ITPR2: variants seen among roughly 807,000 people sequenced by gnomAD.
The protein encoded by ITPR2 is inositol 1,4,5-trisphosphate-gated calcium channel ITPR2.
A neutral mutation model predicts 317.1 loss-of-function variants in ITPR2; 207 were observed. That is an observed-to-expected ratio of 0.65 (90% CI 0.58 to 0.73). The LOEUF is 0.73. ITPR2 is among the 30% of genes least tolerant of loss of function. The probability of loss-of-function intolerance (pLI) is 0.00; values close to 1 mark genes in which losing one functional copy is unlikely to be tolerated. For synonymous variants in ITPR2, 1,156 were observed against 1,149.1 expected, an observed-to-expected ratio of 1.01 and a Z score of -0.12; for missense variants, 2,613 against 3,284.0, an observed-to-expected ratio of 0.80 and a Z score of 4.99.
chr12:26,434,633 A>G (rs1941305065), intron 48 of ITPR2, among the ~76,000 whole-genome samples: 1 of 152,162 alleles, frequency 6.6e-6, no homozygotes, highest in South Asian at 2.1e-4. Context: ...CATGCTTCCA[A>G]TCCACGGAGA....
At chr12:26,825,411 T>G (rs1759643108) in intron 1 of ITPR2, among the ~76,000 whole-genome samples, 1 of 152,198 alleles carries the variant, frequency 6.6e-6, no homozygotes, top group African/African-American at 2.4e-5. Context: ...TTTATATTTA[T>G]ATATGAAGAC....
chr12:26,722,738 TC>T (rs1948858291), intron 4 of ITPR2, among the ~76,000 whole-genome samples, 183 bp from the exon 5 acceptor site: 1 of 151,884 alleles, frequency 6.6e-6, no homozygotes, highest in African/African-American at 2.4e-5. Context: ...GGGTTCTTCC[TC>T]CCCTTCACCC....
At chr12:26,510,378 T>A (rs940971737) in intron 37 of ITPR2, among the ~76,000 whole-genome samples, 2 of 151,728 alleles carry the variant, frequency 1.3e-5, no homozygotes, top group Admixed American at 1.3e-4. Context: ...GAATTAAACA[T>A]AATAAAGGAT....
At position 26,338,113 on chromosome 12, in the gene ITPR2, A is replaced by T. The variant is rs1022406721; in HGVS notation, c.*1284T>A. The T allele has an allele frequency of 3.3e-5, 5 of 152,184 alleles. No homozygotes were observed. The highest frequency in any genetic ancestry group is 7.3e-5 in the Non-Finnish European group (5 of 68,030). 9.4% of individuals were successfully genotyped at this position (152,184 alleles called of 1,614,324 possible). On this transcript the variant is annotated 3_prime_UTR_variant, in exon 57 of 57. Coordinates refer to ENST00000381340, the MANE Select transcript of ITPR2 (RefSeq NM_002223.4). ...TGCAGAGTATCTCCCAGAGTCTGGT[A>T]TCAAGTGTCTTCACTCCCTGTCACA...
At chr12:26,372,230 G>C (rs1227515565) in intron 55 of ITPR2, among the ~76,000 whole-genome samples, 1 of 152,114 alleles carries the variant, frequency 6.6e-6, no homozygotes, top group Non-Finnish European at 1.5e-5. Flanking sequence ...CTGAAGCAGG[G>C]AATTTATTCA....
intron 2 of ITPR2, among the ~76,000 whole-genome samples, chr12:26,780,921 T>C (rs1056969315): frequency 2.6e-5 from 4 of 152,168 alleles, no homozygotes; most frequent in Admixed American, 1.3e-4. Flanking sequence ...ACACTTTGGG[T>C]TCCTCCTACC....
At chr12:26,531,553 T>C (rs1444691912) in intron 37 of ITPR2, among the ~76,000 whole-genome samples, 1 of 152,200 alleles carries the variant, frequency 6.6e-6, no homozygotes. Flanking sequence ...AGATTGCCTC[T>C]TCACTTCCAG....
chr12:26,745,975 A>G (rs1949315722), intron 2 of ITPR2, among the ~76,000 whole-genome samples: 1 of 152,204 alleles, frequency 6.6e-6, no homozygotes, highest in Admixed American at 6.5e-5. Context: ...TTACTATCCA[A>G]CAATGATTAT....
intron 9 of ITPR2, among the ~76,000 whole-genome samples, chr12:26,709,110 C>G (rs1948604531): frequency 6.6e-6 from 1 of 152,220 alleles, no homozygotes; most frequent in East Asian, 1.9e-4. Context: ...AGGATTTTGT[C>G]CCAACTGACA....
chr12:26,387,140 G>A (rs760866518), intron 55 of ITPR2, among the ~76,000 whole-genome samples: 22 of 152,140 alleles, frequency 1.4e-4, no homozygotes, highest in Non-Finnish European at 2.8e-4. Context: ...ATGATAAAAG[G>A]TATGATGTCA....
At chr12:26,496,091 G>T (rs187232108) in intron 37 of ITPR2, among the ~76,000 whole-genome samples, 1 of 152,208 alleles carries the variant, frequency 6.6e-6, no homozygotes, top group East Asian at 1.9e-4. Context: ...TTTTATTGGT[G>T]ATTATTATTT....
chr12:26,819,400 T>C (rs1022443723), intron 1 of ITPR2, among the ~76,000 whole-genome samples: 1 of 152,206 alleles, frequency 6.6e-6, no homozygotes, highest in African/African-American at 2.4e-5. Flanking sequence ...ATTCTGCCCA[T>C]TTGTTCTCCT....
chr12:26,556,449 C>G (rs2137017120), intron 35 of ITPR2, 74 bp from the exon 36 acceptor site: 1 of 1,422,176 alleles, frequency 7.0e-7, no homozygotes, highest in Non-Finnish European at 9.6e-7. Context: ...AAGACAAGCT[C>G]AAGAATACTA....
intron 5 of ITPR2, among the ~76,000 whole-genome samples, chr12:26,720,119 C>A (rs1205197242): frequency 6.6e-6 from 1 of 152,130 alleles, no homozygotes; most frequent in Non-Finnish European, 1.5e-5. Context: ...TCTATTTCTT[C>A]CCCAAAACCA....
intron 34 of ITPR2, among the ~76,000 whole-genome samples, chr12:26,566,640 A>C (rs1165506052): frequency 6.6e-6 from 1 of 152,162 alleles, no homozygotes; most frequent in Middle Eastern, 3.2e-3. Context: ...ACATGTACTA[A>C]TGTAGACAAA....
chr12:26,523,791 T>A (rs1009024342), intron 37 of ITPR2, among the ~76,000 whole-genome samples: 7 of 152,224 alleles, frequency 4.6e-5, no homozygotes, highest in South Asian at 2.1e-4. Flanking sequence ...GACTCACGGA[T>A]CGTTCAAAGC....
chr12:26,433,868 G>T (rs1237898157), intron 48 of ITPR2, among the ~76,000 whole-genome samples: 1 of 152,176 alleles, frequency 6.6e-6, no homozygotes, highest in Admixed American at 6.5e-5. Context: ...AAACTATAGA[G>T]TCTGCATGAG....
At chr12:26,656,188 G>A (rs1947364076) in intron 19 of ITPR2, 109 bp downstream of exon 19, 2 of 1,375,844 alleles carry the variant, frequency 1.5e-6, no homozygotes, top group South Asian at 2.7e-5. Context: ...AACAACCCAA[G>A]ACAGGATACA....
chr12:26,570,422 TATG>T (rs1462666159), intron 34 of ITPR2, among the ~76,000 whole-genome samples: 10 of 152,196 alleles, frequency 6.6e-5, no homozygotes, highest in Admixed American at 6.5e-5. Flanking sequence ...CACAGGGATA[TATG>T]ATGTCAAGCT....
Sources: gnomAD v4.1 joint callset for allele counts (sites outside exome capture counted in the v4.1 genomes callset) on GRCh38, gnomAD v4.1.1 for gene constraint, MANE v1.5 for transcripts, NCBI Gene and HGNC (gene_info 2026-07-23, HGNC 2026-07-21) for gene names.